RGS6: variants seen among roughly 807,000 people sequenced by gnomAD.
RGS6 encodes the protein regulator of G-protein signaling 6.
A neutral mutation model predicts 78.5 loss-of-function variants in RGS6; 30 were observed. The observed-to-expected ratio is 0.38, with a 90% CI of 0.29 to 0.52. The LOEUF is 0.52. Ranked by LOEUF, RGS6 falls within the 20% of genes least tolerant of loss-of-function variation. The pLI is 0.85. For synonymous variants in RGS6, 206 were observed against 206.0 expected, an observed-to-expected ratio of 1.00 and a Z score of 0.00; for missense variants, 495 against 609.7, an observed-to-expected ratio of 0.81 and a Z score of 1.98.
At chr14:72,219,957 A>G (rs924970920) in intron 2 of RGS6, among the ~76,000 whole-genome samples, 11 of 149,138 alleles carry the variant, frequency 7.4e-5, no homozygotes, top group Non-Finnish European at 1.5e-4. Context: ...CCATGTTTGC[A>G]GATAGTACGA....
At position 72,497,152 on chromosome 14, in the gene RGS6, G is replaced by A. The variant is rs138660074; in HGVS notation, c.965+1890G>A. On this transcript the variant is annotated intron_variant, in intron 13 of 17. Coordinates refer to ENST00000553525, the MANE Select transcript of RGS6 (RefSeq NM_001204424.2). ...GGTATGCATATTTTAATTTTAGTTC[G>A]TAGGTCCAGATTCCTCTTGAGCAAA... Among the ~76,000 whole-genome samples the A allele has an allele frequency of 6.2e-3, 940 of 152,180 alleles. 14 individuals are homozygous for A. The highest frequency in any genetic ancestry group is 0.021 in the South Asian group (100 of 4,826).
At chr14:72,173,652 A>G (rs1246919260) in intron 2 of RGS6, among the ~76,000 whole-genome samples, 1 of 152,088 alleles carries the variant, frequency 6.6e-6, no homozygotes, top group Non-Finnish European at 1.5e-5. Context: ...CATTTCCTCA[A>G]GAGCTGTTTA....
At chr14:71,936,804 G>A (rs1274273015) in intron 1 of RGS6, among the ~76,000 whole-genome samples, 1 of 152,202 alleles carries the variant, frequency 6.6e-6, no homozygotes, top group East Asian at 1.9e-4. Context: ...AACAAAAGAA[G>A]GAGGAAATAC....
At chr14:72,068,336 T>C (rs1209491883) in intron 2 of RGS6, among the ~76,000 whole-genome samples, 2 of 152,032 alleles carry the variant, frequency 1.3e-5, no homozygotes, top group African/African-American at 2.4e-5. Flanking sequence ...GGTTTTGCCA[T>C]GTTGGCCAGG....
At chr14:72,418,245 C>A (rs1263937280) in intron 3 of RGS6, among the ~76,000 whole-genome samples, 1 of 152,034 alleles carries the variant, frequency 6.6e-6, no homozygotes, top group African/African-American at 2.4e-5. Flanking sequence ...CAACTCACTG[C>A]AACCTCCACC....
intron 2 of RGS6, among the ~76,000 whole-genome samples, chr14:72,341,323 G>A (rs527612096): frequency 4.3e-4 from 66 of 152,272 alleles, no homozygotes; most frequent in South Asian, 2.7e-3. Flanking sequence ...ACTTTCATGA[G>A]AACAGCAAAG....
At chr14:72,536,041 A>C (rs2097247350) in intron 15 of RGS6, 145 bp from the exon 16 acceptor site, 2 of 637,676 alleles carry the variant, frequency 3.1e-6, no homozygotes, top group South Asian at 1.7e-5. Context: ...TGGGGATGGA[A>C]CATGTTGCAA....
chr14:72,581,130 A>C, the RGS6 span, among the ~76,000 whole-genome samples: 1 of 152,114 alleles, frequency 6.6e-6, no homozygotes, highest in Non-Finnish European at 1.5e-5. Flanking sequence ...GGACAGAGGG[A>C]TCCTCAGAGT....
At chr14:72,088,970 C>A (rs553262788) in intron 2 of RGS6, among the ~76,000 whole-genome samples, 3 of 152,364 alleles carry the variant, frequency 2.0e-5, no homozygotes, top group African/African-American at 7.2e-5. Flanking sequence ...AACAGTCTTC[C>A]CTGGCCACCC....
chr14:72,258,571 G>T (rs1366255412), intron 2 of RGS6, among the ~76,000 whole-genome samples: 1 of 152,192 alleles, frequency 6.6e-6, no homozygotes, highest in African/African-American at 2.4e-5. Flanking sequence ...AGACTGTATT[G>T]TTTGTTTTTA....
intron 2 of RGS6, among the ~76,000 whole-genome samples, chr14:72,292,704 A>G (rs2238201): frequency 0.55 from 83,222 of 152,122 alleles, 24,246 homozygotes; most frequent in Non-Finnish European, 0.64. Context: ...CATAAGCAAG[A>G]TGTTACTGAT....
intron 2 of RGS6, among the ~76,000 whole-genome samples, chr14:72,254,087 C>A (rs895136167): frequency 1.3e-5 from 2 of 152,170 alleles, no homozygotes; most frequent in African/African-American, 4.8e-5. Context: ...GTTGAAACAG[C>A]GTGACTGCAA....
At chr14:72,453,958 C>G (rs1194165389) in intron 3 of RGS6, among the ~76,000 whole-genome samples, 1 of 152,204 alleles carries the variant, frequency 6.6e-6, no homozygotes, top group Non-Finnish European at 1.5e-5. Context: ...TACCCATATT[C>G]TATTGGCAGA....
At chr14:72,038,642 T>G (rs2092036181) in intron 2 of RGS6, among the ~76,000 whole-genome samples, 1 of 152,212 alleles carries the variant, frequency 6.6e-6, no homozygotes, top group African/African-American at 2.4e-5. Context: ...GTATTTCAAT[T>G]TTTTGGAATT....
intron 10 of RGS6, among the ~76,000 whole-genome samples, chr14:72,475,830 G>GCACACACACACACACACGCACA (rs1555424337): frequency 1.4e-5 from 2 of 145,606 alleles, no homozygotes; most frequent in Non-Finnish European, 3.0e-5. Flanking sequence ...AAAAATACAC[G>GCACACACACACACACACGCACA]CACACACACA....
intron 1 of RGS6, among the ~76,000 whole-genome samples, chr14:71,941,366 C>A (rs376186341): frequency 6.6e-6 from 1 of 152,194 alleles, no homozygotes; most frequent in South Asian, 2.1e-4. Context: ...AAGCAGCCAA[C>A]TCCAGAAACC....
At chr14:72,054,404 G>A (rs1325132729) in intron 2 of RGS6, among the ~76,000 whole-genome samples, 1 of 152,184 alleles carries the variant, frequency 6.6e-6, no homozygotes, top group Non-Finnish European at 1.5e-5. Flanking sequence ...ACAGTTTTGA[G>A]ATTCTTGCTT....
chr14:72,295,333 T>C (rs1162299077), intron 2 of RGS6, among the ~76,000 whole-genome samples: 2 of 151,114 alleles, frequency 1.3e-5, no homozygotes, highest in Non-Finnish European at 2.9e-5. Context: ...TAAAATCTTA[T>C]CTAGAACTCC....
At chr14:72,610,390 C>G in the RGS6 span, among the ~76,000 whole-genome samples, 1 of 152,314 alleles carries the variant, frequency 6.6e-6, no homozygotes, top group East Asian at 1.9e-4. Flanking sequence ...CCAGAGGAAT[C>G]CCAGCGTTCA....
Sources: gnomAD v4.1 joint callset for allele counts (sites outside exome capture counted in the v4.1 genomes callset) on GRCh38, gnomAD v4.1.1 for gene constraint, MANE v1.5 for transcripts, NCBI Gene and HGNC (gene_info 2026-07-23, HGNC 2026-07-21) for gene names.